The following SNX13 variants were observed in gnomAD, a reference collection of about 807,000 sequenced individuals.
SNX13 encodes the protein sorting nexin-13.
In SNX13, 45 loss-of-function variants were observed where a neutral mutation model predicts 133.6. The observed-to-expected ratio is 0.34, with a 90% CI of 0.27 to 0.43. SNX13 has a LOEUF of 0.43. SNX13 is among the 20% of genes least tolerant of loss of function. The pLI, the probability that SNX13 is intolerant of heterozygous loss-of-function variation, is 1.00. For missense variants in SNX13, 1,032 were observed against 1,145.1 expected, an observed-to-expected ratio of 0.90 and a Z score of 1.43; for synonymous variants, 414 against 373.9, an observed-to-expected ratio of 1.11 and a Z score of -1.24.
intron 1 of SNX13, among the ~76,000 whole-genome samples, chr7:17,919,834 A>G (rs1260864677): frequency 6.6e-6 from 1 of 152,132 alleles, no homozygotes; most frequent in Non-Finnish European, 1.5e-5. Flanking sequence ...CTCAGCTACT[A>G]AAAGTTTACT....
At position 17,850,447 on chromosome 7, in the gene SNX13, G is replaced by C. The variant is rs754319619; in HGVS notation, c.977-12C>G. The C allele has an allele frequency of 3.4e-6, 5 of 1,469,402 alleles. No individual in the cohort carries two copies. The highest frequency in any genetic ancestry group is 4.4e-5 in the Admixed American group (2 of 45,774). The allele number at this position is 1,469,402 out of a possible 1,614,324, so 91.0% of individuals were successfully genotyped here. A position where few individuals can be genotyped will look rare whatever the true frequency, so the allele number is the denominator to read the frequency against. On this transcript the variant is annotated splice_polypyrimidine_tract_variant and intron_variant, in intron 10 of 25. Coordinates refer to ENST00000428135, the MANE Select transcript of SNX13 (RefSeq NM_015132.5). Reference sequence around the variant, plus strand: ...GATAGTGTTGATATCTAAAAGCAAAGAAATCATGAACTAGAAAGTGGTAGT... The same window carrying C: ...GATAGTGTTGATATCTAAAAGCAAACAAATCATGAACTAGAAAGTGGTAGT...
intron 17 of SNX13, among the ~76,000 whole-genome samples, chr7:17,824,304 T>C (rs1445032899): frequency 2.0e-5 from 3 of 152,208 alleles, no homozygotes; most frequent in Non-Finnish European, 4.4e-5. Flanking sequence ...ACCACCATTC[T>C]TGTGTGTGTA....
chr7:17,851,817 G>A (rs1301357881), intron 9 of SNX13, among the ~76,000 whole-genome samples: 4 of 152,098 alleles, frequency 2.6e-5, no homozygotes, highest in Non-Finnish European at 5.9e-5. Flanking sequence ...CCATTAGTAT[G>A]CTTTTGAATA....
At chr7:17,846,956 A>C (rs1790615870) in intron 11 of SNX13, among the ~76,000 whole-genome samples, 1 of 152,204 alleles carries the variant, frequency 6.6e-6, no homozygotes, top group Non-Finnish European at 1.5e-5. Flanking sequence ...TTTACTTACA[A>C]AGGAAAACAC....
chr7:17,805,198 G>C (rs10278523), intron 20 of SNX13, among the ~76,000 whole-genome samples: 3,387 of 133,098 alleles, frequency 0.025, 143 homozygotes, highest in African/African-American at 0.092. Context: ...TCTCACGTTT[G>C]GCTAATGATT....
At chr7:17,925,682 T>TTG (rs1562533682) in intron 1 of SNX13, among the ~76,000 whole-genome samples, 1 of 152,116 alleles carries the variant, frequency 6.6e-6, no homozygotes, top group African/African-American at 2.4e-5. Flanking sequence ...TTATCACACC[T>TTG]TGTTAGGGAA....
intron 8 of SNX13, among the ~76,000 whole-genome samples, chr7:17,871,272 T>G (rs1487923389): frequency 2.0e-5 from 3 of 152,192 alleles, no homozygotes; most frequent in African/African-American, 7.2e-5. Flanking sequence ...CTCAAAGTGC[T>G]GGGATCACAG....
chr7:17,870,512 T>G (rs1476548764), intron 8 of SNX13, among the ~76,000 whole-genome samples: 1 of 152,160 alleles, frequency 6.6e-6, no homozygotes, highest in Non-Finnish European at 1.5e-5. Context: ...AGAAATTTAT[T>G]TTAAAAAAAT....
At chr7:17,891,782 A>ACACT (rs1380160081) in intron 3 of SNX13, 147 bp from the exon 4 acceptor site, 5 of 513,350 alleles carry the variant, frequency 9.7e-6, no homozygotes, top group African/African-American at 1.9e-5. Flanking sequence ...TATAAGCCAA[A>ACACT]CACTATTTCT....
At position 17,875,393 on chromosome 7, in the gene SNX13, T is replaced by TAGTGA. The variant is rs1583578981; in HGVS notation, c.664+86_664+87insTCACT. 1.6e-5 allele frequency: 17 copies of TAGTGA among 1,038,966 alleles called. No homozygotes were observed. In the East Asian group the frequency reaches 4.2e-4, roughly 26 times the overall value. The allele number at this position is 1,038,966 out of a possible 1,614,324, so 64.4% of individuals were successfully genotyped here. A position where few individuals can be genotyped will look rare whatever the true frequency, so the allele number is the denominator to read the frequency against. ...CTATGCTACCTGCCCTAAGTAAGAATAATTTTACCCTTAGATTTTTTCACT... is the reference window on the plus strand; with the variant it reads ...CTATGCTACCTGCCCTAAGTAAGAATAGTGAAATTTTACCCTTAGATTTTTTCACT... On this transcript the variant is annotated intron_variant, in intron 7 of 25. Coordinates refer to ENST00000428135, the MANE Select transcript of SNX13 (RefSeq NM_015132.5).
intron 8 of SNX13, among the ~76,000 whole-genome samples, chr7:17,870,095 C>G (rs1447615215): frequency 1.3e-5 from 2 of 152,222 alleles, no homozygotes; most frequent in African/African-American, 4.8e-5. Flanking sequence ...TCTAAATATT[C>G]CAAGCAAGTA....
Position 17,914,327 on chromosome 7 carries a change from G to A in SNX13, c.13-16881C>T, listed in dbSNP as rs146468618. Among the ~76,000 whole-genome samples, 375 of 152,160 alleles carry A rather than the reference G, an allele frequency of 2.5e-3. 1 individual carries two copies. The highest frequency in any genetic ancestry group is 8.7e-3 in the African/African-American group (360 of 41,516). On this transcript the variant is annotated intron_variant, in intron 1 of 25. Transcript: ENST00000428135. The stretch of plus-strand genomic sequence containing the variant: ...AAAACACATTTGAGGAAATAATTCG[G>A]GAAAATTTCACCAATCTGTCTATAG...
intron 1 of SNX13, among the ~76,000 whole-genome samples, chr7:17,906,904 A>C (rs1465510712): frequency 1.3e-5 from 2 of 152,192 alleles, no homozygotes; most frequent in African/African-American, 4.8e-5. Flanking sequence ...AAATAAATAA[A>C]GATAATACAG....
At chr7:17,835,311 G>A (rs1337289598) in intron 13 of SNX13, among the ~76,000 whole-genome samples, 1 of 151,844 alleles carries the variant, frequency 6.6e-6, no homozygotes, top group Non-Finnish European at 1.5e-5. Flanking sequence ...ACTGCTGAAC[G>A]AATAAGCCAT....
intron 20 of SNX13, among the ~76,000 whole-genome samples, chr7:17,804,856 C>T (rs1583468953): frequency 6.6e-6 from 1 of 151,962 alleles, no homozygotes. Context: ...GGAATCATAG[C>T]AACGTTAATA....
rs3800965 is a variant in SNX13, at chr7:17,850,544, T to C, written c.977-109A>G. 0.058 allele frequency: 40,098 copies of C among 689,512 alleles called. 1,403 individuals carry two copies. The highest frequency in any genetic ancestry group is 0.13 in the Middle Eastern group (324 of 2,470). 42.7% of individuals were successfully genotyped at this position (689,512 alleles called of 1,614,324 possible). On this transcript the variant is annotated intron_variant, in intron 10 of 25. Coordinates refer to ENST00000428135, the MANE Select transcript of SNX13 (RefSeq NM_015132.5). ...AATAACCAATAATACAGCAACTGTT[T>C]TAGTCAATAAAAGAAACCATCTGAA...
chr7:17,932,339 T>C (rs1801473285), intron 1 of SNX13, among the ~76,000 whole-genome samples: 1 of 152,220 alleles, frequency 6.6e-6, no homozygotes, highest in Non-Finnish European at 1.5e-5. Flanking sequence ...GGTTCAACTT[T>C]TTTTTGTCCC....
chr7:17,880,557 C>T (rs577415855), intron 5 of SNX13: 109 of 152,224 alleles, frequency 7.2e-4, no homozygotes, highest in African/African-American at 2.5e-3. Context: ...GAGGTGGGGT[C>T]CAGGTATCAC....
At chr7:17,882,674 T>C (rs1795497573) in intron 5 of SNX13, 1 of 454,972 alleles carries the variant, frequency 2.2e-6, no homozygotes, top group South Asian at 3.3e-5. Context: ...TGATGGAGTA[T>C]GTTAGTGTGT....
Sources: allele counts gnomAD v4.1 joint callset (sites outside exome capture counted in the v4.1 genomes callset), GRCh38; gene constraint gnomAD v4.1.1; transcripts MANE v1.5; gene names NCBI Gene and HGNC (gene_info 2026-07-23, HGNC 2026-07-21).